FOXP1: variants seen among roughly 807,000 people sequenced by gnomAD.
FOXP1 encodes the protein forkhead box P1, also known as forkhead box protein P1.
A neutral mutation model predicts 98.2 loss-of-function variants in FOXP1; 15 were observed. The observed-to-expected ratio is 0.15, with a 90% CI of 0.10 to 0.24. FOXP1 has a LOEUF of 0.24. FOXP1 is among the 10% of genes least tolerant of loss of function. The pLI is 1.00. For synonymous variants in FOXP1, 371 were observed against 314.5 expected (o/e 1.18, Z -1.90); for missense variants, 633 against 848.5 (o/e 0.75, Z 3.15).
chr3:71,172,512 G>C (rs1219116627), intron 6 of FOXP1, among the ~76,000 whole-genome samples: 1 of 152,128 alleles, frequency 6.6e-6, no homozygotes, highest in Non-Finnish European at 1.5e-5. Flanking sequence ...CACTTCACTT[G>C]CTTCCTCTAA....
At chr3:70,967,485 A>T (rs540252245) in intron 19 of FOXP1, among the ~76,000 whole-genome samples, 1 of 152,264 alleles carries the variant, frequency 6.6e-6, no homozygotes, top group Admixed American at 6.5e-5. Flanking sequence ...AGTAGGGGGA[A>T]AATCCTGTGT....
chr3:71,204,661 G>A (rs2063902253), intron 5 of FOXP1, among the ~76,000 whole-genome samples: 2 of 152,166 alleles, frequency 1.3e-5, no homozygotes, highest in Non-Finnish European at 2.9e-5. Context: ...TGACAAATGA[G>A]ACTTAGTGGT....
At chr3:71,117,687 T>C (rs1010041091) in intron 6 of FOXP1, among the ~76,000 whole-genome samples, 2 of 152,146 alleles carry the variant, frequency 1.3e-5, no homozygotes, top group African/African-American at 4.8e-5. Flanking sequence ...TCCAGATCAA[T>C]TGCTAATGTA....
intron 3 of FOXP1, among the ~76,000 whole-genome samples, chr3:71,397,412 G>C (rs551487548): frequency 4.5e-4 from 69 of 152,244 alleles, no homozygotes; most frequent in Middle Eastern, 3.4e-3. Flanking sequence ...GTTTTTCCAA[G>C]TGATATCCTG....
intron 3 of FOXP1, among the ~76,000 whole-genome samples, chr3:71,372,460 G>T (rs148503638): frequency 3.1e-4 from 47 of 152,140 alleles, no homozygotes; most frequent in Admixed American, 1.2e-3. Flanking sequence ...TTGTTCCTTC[G>T]TTTCACTTGC....
intron 12 of FOXP1, among the ~76,000 whole-genome samples, chr3:71,004,181 G>A (rs1265202058): frequency 6.6e-6 from 1 of 151,934 alleles, no homozygotes. Flanking sequence ...TGTTAAAAAT[G>A]CCACTGTATT....
intron 5 of FOXP1, chr3:71,275,990 C>T (rs2070842166): frequency 6.6e-6 from 1 of 152,042 alleles, no homozygotes; most frequent in Non-Finnish European, 1.5e-5. Flanking sequence ...TATAGTTAAG[C>T]CACGCTAATT....
chr3:71,112,081 G>A (rs373383371), intron 7 of FOXP1, among the ~76,000 whole-genome samples: 73 of 115,908 alleles, frequency 6.3e-4, no homozygotes, highest in African/African-American at 2.3e-3. Flanking sequence ...AACGAAAAAC[G>A]TCTCTAGACA....
intron 14 of FOXP1, among the ~76,000 whole-genome samples, chr3:70,987,394 A>C (rs1426530916): frequency 6.6e-6 from 1 of 152,238 alleles, no homozygotes; most frequent in Admixed American, 6.5e-5. Context: ...ATTCTTACAA[A>C]TTAAATGTAA....
At chr3:70,990,738 C>A (rs1034425574) in intron 13 of FOXP1, among the ~76,000 whole-genome samples, 1 of 152,138 alleles carries the variant, frequency 6.6e-6, no homozygotes, top group Non-Finnish European at 1.5e-5. Flanking sequence ...GAAATGACAA[C>A]GGCCTAAACA....
At chr3:71,077,162 T>G (rs1416736657) in intron 7 of FOXP1, among the ~76,000 whole-genome samples, 1 of 152,210 alleles carries the variant, frequency 6.6e-6, no homozygotes, top group Non-Finnish European at 1.5e-5. Flanking sequence ...CAAGGACTTG[T>G]ATGCTAATCC....
At chr3:71,229,379 C>T (rs2066099886) in intron 5 of FOXP1, among the ~76,000 whole-genome samples, 1 of 152,156 alleles carries the variant, frequency 6.6e-6, no homozygotes. Context: ...ATTTTACATT[C>T]ACCTGTTCCT....
At chr3:71,300,805 A>G (rs925848138) in intron 4 of FOXP1, among the ~76,000 whole-genome samples, 4 of 152,236 alleles carry the variant, frequency 2.6e-5, no homozygotes, top group Non-Finnish European at 4.4e-5. Context: ...CAAAATGTTA[A>G]TATCTTTTTG....
At chr3:70,977,126 A>G in intron 16 of FOXP1, 84 bp from the exon 17 acceptor site, 1 of 927,794 alleles carries the variant, frequency 1.1e-6, no homozygotes, top group South Asian at 1.3e-5. Flanking sequence ...ATATAAAATC[A>G]CTGTGATTCA....
At chr3:71,338,338 T>G (rs1303449217) in intron 4 of FOXP1, among the ~76,000 whole-genome samples, 1 of 152,184 alleles carries the variant, frequency 6.6e-6, no homozygotes, top group Non-Finnish European at 1.5e-5. Context: ...AGAAAGTGGA[T>G]AATTATGAGG....
At chr3:71,363,444 G>A (rs2107927185) in intron 3 of FOXP1, among the ~76,000 whole-genome samples, 1 of 152,314 alleles carries the variant, frequency 6.6e-6, no homozygotes, top group Non-Finnish European at 1.5e-5. Context: ...AGATAGATCT[G>A]TCATTTTAGA....
intron 20 of FOXP1, among the ~76,000 whole-genome samples, chr3:70,964,902 T>C (rs986022806): frequency 2.6e-5 from 4 of 152,204 alleles, no homozygotes; most frequent in Non-Finnish European, 5.9e-5. Context: ...GCCAATTCCA[T>C]ATGCTCCTAA....
intron 6 of FOXP1, among the ~76,000 whole-genome samples, chr3:71,124,529 G>A (rs977469588): frequency 2.0e-5 from 3 of 151,346 alleles, no homozygotes; most frequent in African/African-American, 7.3e-5. Context: ...ATAGAAAAAT[G>A]TTTCAAATAT....
At chr3:71,581,821 G>T in intron 1 of FOXP1, 124 bp from the exon 2 acceptor site, 2 of 986,072 alleles carry the variant, frequency 2.0e-6, no homozygotes, top group Non-Finnish European at 2.4e-6. Context: ...AGCGGGCTCC[G>T]AGGACCCGCG....
Sources: allele counts gnomAD v4.1 joint callset (sites outside exome capture counted in the v4.1 genomes callset), GRCh38; gene constraint gnomAD v4.1.1; transcripts MANE v1.5; gene names NCBI Gene and HGNC (gene_info 2026-07-23, HGNC 2026-07-21).